NHSL2: variants seen among roughly 807,000 people sequenced by gnomAD.
The protein encoded by NHSL2 is NHS like 2.
In NHSL2, 27 loss-of-function variants were observed where a neutral mutation model predicts 53.4. That is an observed-to-expected ratio of 0.51 (90% CI 0.37 to 0.70). The LOEUF is 0.70. NHSL2 is among the 30% of genes least tolerant of loss of function. The pLI, the probability that NHSL2 is intolerant of heterozygous loss-of-function variation, is 0.00. For synonymous variants in NHSL2, 408 were observed against 404.1 expected (o/e 1.01, Z -0.12); for missense variants, 892 against 980.1 (o/e 0.91, Z 1.20).
chrX:72,074,574 T>G (rs1055749674), intron 1 of NHSL2, among the ~76,000 whole-genome samples: 13 of 112,209 alleles, frequency 1.2e-4, no homozygotes, highest in Non-Finnish European at 2.4e-4. Context: ...CCACATTTTC[T>G]GGGCCAGAAC....
At chrX:71,929,935 T>C (rs2041704674) in intron 1 of NHSL2, among the ~76,000 whole-genome samples, 2 of 110,359 alleles carry the variant, frequency 1.8e-5, no homozygotes, top group Admixed American at 1.9e-4. Flanking sequence ...ATGTATTTTT[T>C]GTAGAGGCGG....
At chrX:71,998,581 G>A (rs1368602402) in intron 1 of NHSL2, among the ~76,000 whole-genome samples, 6 of 111,732 alleles carry the variant, frequency 5.4e-5, no homozygotes, top group Middle Eastern at 4.6e-3. Context: ...TGGAGGTTTA[G>A]TGTGAAGGGC....
At chrX:71,936,572 A>G (rs932154990) in intron 1 of NHSL2, among the ~76,000 whole-genome samples, 1 of 112,344 alleles carries the variant, frequency 8.9e-6, no homozygotes, top group African/African-American at 3.2e-5. Flanking sequence ...TCTGTCTTTT[A>G]TATATTAGAG....
chrX:72,117,823 TTTA>T (rs1176977261), intron 1 of NHSL2, among the ~76,000 whole-genome samples: 10 of 102,897 alleles, frequency 9.7e-5, no homozygotes, highest in African/African-American at 3.5e-4. Flanking sequence ...CACATTTTTA[TTTA>T]TTTATTTATT....
chrX:72,075,037 C>T (rs1005456747), intron 1 of NHSL2, among the ~76,000 whole-genome samples: 1 of 112,163 alleles, frequency 8.9e-6, no homozygotes, highest in African/African-American at 3.2e-5. Flanking sequence ...CATATCATTT[C>T]CCTGAGCCAG....
intron 1 of NHSL2, among the ~76,000 whole-genome samples, chrX:72,012,620 T>C (rs893608564): frequency 2.7e-5 from 3 of 112,629 alleles, no homozygotes; most frequent in African/African-American, 9.7e-5. Flanking sequence ...CAGAATGATC[T>C]CCTCATCTTA....
At chrX:72,084,490 G>T (rs1297377992) in intron 1 of NHSL2, among the ~76,000 whole-genome samples, 2 of 112,482 alleles carry the variant, frequency 1.8e-5, no homozygotes, top group Non-Finnish European at 3.8e-5. Context: ...CACTTGGGGA[G>T]CTCTGGAGCT....
At chrX:72,129,670 C>T (rs2042263757) in intron 1 of NHSL2, 2 of 528,579 alleles carry the variant, frequency 3.8e-6, no homozygotes, top group South Asian at 6.6e-5. Flanking sequence ...TCTCTGGTCA[C>T]GGTTGCAAGA....
rs1027597241 is a variant in NHSL2 at position 72,131,184 on chromosome X, G to A, written c.281-895G>A. The A allele has an allele frequency of 5.1e-6, 6 of 1,182,521 alleles. No individual in the cohort carries two copies. In the South Asian group the frequency reaches 5.5e-5, roughly 11 times the overall value. ...GGGGCGGGATGGGCAGCAGAGGGGG[G>A]TCAGCGGGCCCGTCGGGGGTGCTGC... is the stretch of plus-strand genomic sequence containing the variant. On this transcript the variant is annotated intron_variant, in intron 1 of 7. Transcript: ENST00000633930.
chrX:71,974,491 A>G (rs2041939845), intron 1 of NHSL2, among the ~76,000 whole-genome samples: 1 of 112,540 alleles, frequency 8.9e-6, no homozygotes, highest in Non-Finnish European at 1.9e-5. Flanking sequence ...TCCCTGGAGC[A>G]GCAGAAATAA....
chrX:72,033,646 C>T (rs1259823772), intron 1 of NHSL2, among the ~76,000 whole-genome samples: 1 of 112,345 alleles, frequency 8.9e-6, no homozygotes, highest in Non-Finnish European at 1.9e-5. Flanking sequence ...TTCTTTGGAA[C>T]AACTTTAAAT....
chrX:72,131,339 T>A lies in NHSL2; in HGVS notation c.281-740T>A, dbSNP rs1282695752. The A allele has an allele frequency of 3.3e-6, 4 of 1,203,283 alleles. No individual in the cohort carries two copies. The Admixed American group carries it at 8.9e-5, about 27-fold the overall frequency. ...ATCTCACTGAGCGCGAACTCCAAGTTCTCCTCCGCAAGGACGGGCACTATG... is the reference window on the plus strand; with the variant it reads ...ATCTCACTGAGCGCGAACTCCAAGTACTCCTCCGCAAGGACGGGCACTATG... On this transcript the variant is annotated intron_variant, in intron 1 of 7. Transcript: ENST00000633930.
intron 1 of NHSL2, among the ~76,000 whole-genome samples, chrX:72,019,350 G>A (rs1027426393): frequency 2.7e-5 from 3 of 112,401 alleles, no homozygotes; most frequent in Admixed American, 9.4e-5. Context: ...GTGAAGGGAA[G>A]AGAAGGAGGC....
intron 1 of NHSL2, among the ~76,000 whole-genome samples, chrX:72,017,398 G>A (rs2042140125): frequency 8.8e-6 from 1 of 113,005 alleles, no homozygotes; most frequent in African/African-American, 3.2e-5. Flanking sequence ...CAGCTGCACA[G>A]GTGTTGATGC....
At chrX:72,019,673 G>T (rs1051645298) in intron 1 of NHSL2, among the ~76,000 whole-genome samples, 1 of 111,870 alleles carries the variant, frequency 8.9e-6, no homozygotes, top group Non-Finnish European at 1.9e-5. Flanking sequence ...GATTAGTTAG[G>T]CAGACAAGGG....
intron 1 of NHSL2, among the ~76,000 whole-genome samples, chrX:72,038,942 A>G (rs1400615314): frequency 8.9e-6 from 1 of 111,955 alleles, no homozygotes; most frequent in East Asian, 2.8e-4. Context: ...AAAAACATAC[A>G]GAGGCCAAGA....
At chrX:72,042,843 C>T (rs1385311053) in intron 1 of NHSL2, among the ~76,000 whole-genome samples, 1 of 109,768 alleles carries the variant, frequency 9.1e-6, no homozygotes. Flanking sequence ...ATATTGTGTG[C>T]CCGGTGCATT....
intron 1 of NHSL2, among the ~76,000 whole-genome samples, chrX:71,963,130 G>C (rs190776641): frequency 4.6e-4 from 51 of 110,007 alleles, no homozygotes; most frequent in African/African-American, 1.7e-3. Flanking sequence ...TGCTAGTTTT[G>C]AGTTTAGTTT....
intron 1 of NHSL2, 22 bp from the exon 2 acceptor site, chrX:72,132,057 C>T: frequency 1.7e-6 from 2 of 1,164,873 alleles, no homozygotes; most frequent in South Asian, 1.9e-5. Flanking sequence ...CTGCGCCTCT[C>T]ACTGACTCTC....
Sources: gnomAD v4.1 joint callset for allele counts (sites outside exome capture counted in the v4.1 genomes callset) on GRCh38, gnomAD v4.1.1 for gene constraint, MANE v1.5 for transcripts, NCBI Gene and HGNC (gene_info 2026-07-23, HGNC 2026-07-21) for gene names.